Variants in ADCY9 observed in about 807,000 individuals in gnomAD.
ADCY9 encodes adenylate cyclase 9.
Under a neutral mutation model 101.5 loss-of-function variants are expected in ADCY9, and 50 were observed. That is an observed-to-expected ratio of 0.49 (90% CI 0.39 to 0.62). The LOEUF (loss-of-function observed/expected upper bound fraction) is 0.62. Among genes scored for constraint, ADCY9 ranks in the 20% least tolerant of loss-of-function variants. The pLI, the probability that ADCY9 is intolerant of heterozygous loss-of-function variation, is 0.00. For synonymous variants in ADCY9, 905 were observed against 769.3 expected (o/e 1.18, Z -2.92); for missense variants, 1,662 against 1,800.4 (o/e 0.92, Z 1.39).
chr16:4,028,915 G>A (rs189173735), intron 2 of ADCY9, among the ~76,000 whole-genome samples: 15 of 152,042 alleles, frequency 9.9e-5, no homozygotes, highest in Admixed American at 8.5e-4. Flanking sequence ...CTCTTGAGTA[G>A]CTAGGACTAC....
At chr16:4,005,793 C>T (rs1166776858) in intron 3 of ADCY9, among the ~76,000 whole-genome samples, 1 of 152,168 alleles carries the variant, frequency 6.6e-6, no homozygotes, top group African/African-American at 2.4e-5. Context: ...GCAAACACAA[C>T]GAATTATATA....
intron 6 of ADCY9, among the ~76,000 whole-genome samples, chr16:3,984,538 G>C (rs567057104): frequency 6.6e-6 from 1 of 152,222 alleles, no homozygotes; most frequent in Admixed American, 6.5e-5. Context: ...ACCCATCTCG[G>C]TGTACAGATT....
chr16:3,971,826 A>G (rs2056054597), intron 10 of ADCY9, among the ~76,000 whole-genome samples: 1 of 151,712 alleles, frequency 6.6e-6, no homozygotes, highest in African/African-American at 2.4e-5. Flanking sequence ...GAAATGGGAG[A>G]CTGTATCTGG....
chr16:4,071,055 C>A (rs1022595103), intron 2 of ADCY9, among the ~76,000 whole-genome samples: 1 of 150,438 alleles, frequency 6.6e-6, no homozygotes, highest in African/African-American at 2.4e-5. Context: ...AGTAGCCAGG[C>A]GTGGTGGCTC....
rs544854739 is a variant in ADCY9 at position 4,062,284 on chromosome 16, C to T, written c.1693+51466G>A. On this transcript the variant is annotated intron_variant, in intron 2 of 10. Transcript: ENST00000294016. ...CCTCACCAAACAGATGAAAACAGAACACTAGAAAATATCTATTTAACACAA... is the reference window on the plus strand; with the variant it reads ...CCTCACCAAACAGATGAAAACAGAATACTAGAAAATATCTATTTAACACAA... Among the ~76,000 whole-genome samples, 10 of 152,156 alleles carry T rather than the reference C, an allele frequency of 6.6e-5. No individual in the cohort carries two copies. The East Asian group carries it at 1.4e-3, about 21-fold the overall frequency.
intron 10 of ADCY9, among the ~76,000 whole-genome samples, chr16:3,968,413 T>C (rs952194047): frequency 9.8e-5 from 15 of 152,322 alleles, no homozygotes; most frequent in African/African-American, 3.6e-4. Flanking sequence ...ATTACAGGTG[T>C]GAGCCACCGC....
intron 2 of ADCY9, among the ~76,000 whole-genome samples, chr16:4,041,659 G>C (rs1230452462): frequency 1.3e-5 from 2 of 151,518 alleles, no homozygotes. Context: ...TTAATGCCAA[G>C]CTAATACTTA....
chr16:4,101,017 G>A (rs902078565), intron 2 of ADCY9, among the ~76,000 whole-genome samples: 1 of 152,132 alleles, frequency 6.6e-6, no homozygotes, highest in African/African-American at 2.4e-5. Flanking sequence ...CTACTGACAG[G>A]TATTATGTGC....
chr16:4,000,644 A>G (rs922044816), intron 3 of ADCY9, among the ~76,000 whole-genome samples: 4 of 152,004 alleles, frequency 2.6e-5, no homozygotes, highest in Admixed American at 2.0e-4. Context: ...ACATGAACAC[A>G]CACGTGTAAA....
chr16:4,106,216 A>C (rs2057075966), intron 2 of ADCY9, among the ~76,000 whole-genome samples: 1 of 152,236 alleles, frequency 6.6e-6, no homozygotes, highest in African/African-American at 2.4e-5. Flanking sequence ...TTCTTCGCTG[A>C]AGTTGACTAA....
intron 2 of ADCY9, among the ~76,000 whole-genome samples, chr16:4,087,013 C>T (rs968184352): frequency 1.3e-5 from 2 of 152,012 alleles, no homozygotes; most frequent in Admixed American, 1.3e-4. Context: ...TCTTCAAATC[C>T]TGCCATCCTA....
chr16:4,076,752 T>C (rs1460808639), intron 2 of ADCY9, among the ~76,000 whole-genome samples: 1 of 152,196 alleles, frequency 6.6e-6, no homozygotes, highest in Non-Finnish European at 1.5e-5. Flanking sequence ...TCTTGCTCTG[T>C]TGCCCAGGCT....
intron 2 of ADCY9, among the ~76,000 whole-genome samples, chr16:4,069,357 T>C (rs2056819532): frequency 1.3e-5 from 2 of 151,740 alleles, no homozygotes; most frequent in African/African-American, 2.4e-5. Context: ...AGAGAAGTAA[T>C]TTAATATCCC....
At chr16:3,954,791 C>T (rs116460420) in intron 5 of ADCY9, among the ~76,000 whole-genome samples, 167 of 152,254 alleles carry the variant, frequency 1.1e-3, no homozygotes, top group African/African-American at 3.7e-3. Flanking sequence ...ACTGTGGACA[C>T]AGATGGGGAG....
chr16:4,070,861 A>C (rs894158574), intron 2 of ADCY9, among the ~76,000 whole-genome samples: 2 of 152,118 alleles, frequency 1.3e-5, no homozygotes, highest in African/African-American at 4.8e-5. Context: ...TGGGAGGATT[A>C]CTTTGAGCCC....
chr16:4,008,635 G>C (rs745534880), intron 2 of ADCY9, among the ~76,000 whole-genome samples: 1 of 150,846 alleles, frequency 6.6e-6, no homozygotes, highest in Non-Finnish European at 1.5e-5. Context: ...GCAATGGTGC[G>C]ATCTCAGCTC....
intron 3 of ADCY9, among the ~76,000 whole-genome samples, chr16:4,002,237 T>C (rs960891398): frequency 7.9e-5 from 12 of 152,240 alleles, no homozygotes; most frequent in Non-Finnish European, 2.9e-5. Flanking sequence ...TATATTTATA[T>C]ATGTATGTGT....
chr16:3,971,516 T>G (rs1417165568), intron 10 of ADCY9, among the ~76,000 whole-genome samples: 1 of 152,178 alleles, frequency 6.6e-6, no homozygotes, highest in Non-Finnish European at 1.5e-5. Context: ...GAACTGCTAT[T>G]GAAACAGATG....
chr16:4,063,723 A>C (rs1344212703), intron 2 of ADCY9, among the ~76,000 whole-genome samples: 4 of 151,600 alleles, frequency 2.6e-5, no homozygotes, highest in African/African-American at 9.7e-5. Flanking sequence ...AAAAAAAAAA[A>C]CACAAACCTG....
Sources: allele counts gnomAD v4.1 joint callset (sites outside exome capture counted in the v4.1 genomes callset), GRCh38; gene constraint gnomAD v4.1.1; transcripts MANE v1.5; gene names NCBI Gene and HGNC (gene_info 2026-07-23, HGNC 2026-07-21).